SLC5A10: variants seen among roughly 807,000 people sequenced by gnomAD.
The protein encoded by SLC5A10 is sodium/mannose cotransporter SLC5A10.
In SLC5A10, 55 loss-of-function variants were observed where a neutral mutation model predicts 68.9. That is an observed-to-expected ratio of 0.80 (90% confidence interval 0.64 to 1.00). SLC5A10 has a LOEUF of 1.00. Among genes scored for constraint, SLC5A10 ranks in the 50% least tolerant of loss-of-function variants. The pLI, the probability that SLC5A10 is intolerant of heterozygous loss-of-function variation, is 0.00. For missense variants in SLC5A10, 732 were observed against 819.3 expected, an observed-to-expected ratio of 0.89 and a Z score of 1.30; for synonymous variants, 344 against 344.8, an observed-to-expected ratio of 1.00 and a Z score of 0.02.
At chr17:19,007,995 G>C (rs2043933314) in intron 9 of SLC5A10, among the ~76,000 whole-genome samples, 1 of 152,220 alleles carries the variant, frequency 6.6e-6, no homozygotes, top group African/African-American at 2.4e-5. Context: ...AAGCAGAAAT[G>C]TTACTTAGTG....
At chr17:19,014,942 GAGC>G in intron 10 of SLC5A10, 104 bp from the exon 11 acceptor site, 1 of 1,351,550 alleles carries the variant, frequency 7.4e-7, no homozygotes, top group Non-Finnish European at 1.0e-6. Context: ...TGCCTTGGAG[GAGC>G]ATGCAAATGG....
At chr17:19,011,989 T>G (rs976025309) in intron 9 of SLC5A10, among the ~76,000 whole-genome samples, 1 of 152,070 alleles carries the variant, frequency 6.6e-6, no homozygotes, top group Non-Finnish European at 1.5e-5. Flanking sequence ...CCCCTGCTGC[T>G]GCTGTGTTGC....
chr17:18,957,700 G>A (rs1250210512), intron 1 of SLC5A10, among the ~76,000 whole-genome samples: 1 of 152,120 alleles, frequency 6.6e-6, no homozygotes, highest in African/African-American at 2.4e-5. Flanking sequence ...TCTTGACCTC[G>A]TGATCCACCC....
intron 9 of SLC5A10, among the ~76,000 whole-genome samples, chr17:18,988,591 C>T (rs918071025): frequency 6.6e-5 from 10 of 152,232 alleles, no homozygotes; most frequent in African/African-American, 2.4e-4. Flanking sequence ...CCTCTCTTGC[C>T]CTGAAGTTCT....
In SLC5A10 at chr17:19,017,385, T is replaced by G; in HGVS notation, c.1242-2038T>G. ...CGGTATCTCCTAGGCCTCGTGGTCA[T>G]GGATCTCTGGTAGGGTGAATGGCCT... On this transcript the variant is annotated intron_variant, in intron 11 of 14. Transcript: ENST00000395645. This position sits in a 1 kb window ranked among gnomAD's most constrained non-coding sequence, Gnocchi z 5.6. 6.4e-7 allele frequency: 1 copy of G among 1,551,710 alleles called. No individual in the cohort carries two copies. The highest frequency in any genetic ancestry group is 8.7e-7 in the Non-Finnish European group (1 of 1,146,924).
rs926064942 is a variant in SLC5A10, at chr17:19,018,715, G to C, written c.1242-708G>C. On this transcript the variant is annotated intron_variant, in intron 11 of 14. Coordinates refer to ENST00000395645, the MANE Select transcript of SLC5A10 (RefSeq NM_001042450.4). The surrounding 1 kb of genome is among the most constrained non-coding windows in gnomAD (Gnocchi z 4.2). ...GGCCCAGCAGGGCTCCGGCTTCACA[G>C]CTGGGGAGTATGGGCTCTAACCCCA... 6.6e-6 allele frequency: 1 copy of C among 152,382 alleles called. No homozygotes were observed. The highest frequency in any genetic ancestry group is 6.5e-5 in the Admixed American group (1 of 15,284). 9.4% of individuals were successfully genotyped at this position (152,382 alleles called of 1,614,324 possible).
Position 18,971,059 on chromosome 17 carries a change from C to T in SLC5A10, c.687C>T (p.Ala229=), listed in dbSNP as rs974848192. 1.9e-6 allele frequency: 3 copies of T among 1,613,954 alleles called. No homozygotes were observed. Among genetic ancestry groups the T allele is most frequent in the Non-Finnish European group, 2.5e-6 (3 of 1,180,044 alleles). Residue 229 remains alanine (A), a synonymous_variant, in exon 8 of 15, where the codon GCC becomes GCT. Transcript: ENST00000395645. The surrounding 1 kb of genome is among the most constrained non-coding windows in gnomAD (Gnocchi z 5.5). ...GGYGQLEAAY[A]QAIPSRTIAN... is the part of the protein sequence containing the mutation. ...ACGGGCAGCTGGAGGCAGCCTACGCCCAGGCCATTCCCTCCAGGACCATTG... is the reference window on the plus strand; with the variant it reads ...ACGGGCAGCTGGAGGCAGCCTACGCTCAGGCCATTCCCTCCAGGACCATTG...
chr17:18,971,592 T>G lies in SLC5A10; in HGVS notation c.846+374T>G, dbSNP rs767840164. 6.2e-7 allele frequency: 1 copy of G among 1,613,412 alleles called. No homozygotes were observed. The highest frequency in any genetic ancestry group is 1.3e-5 in the African/African-American group (1 of 74,928). On this transcript the variant is annotated intron_variant, in intron 8 of 14. Transcript: ENST00000395645. This position sits in a 1 kb window ranked among gnomAD's most constrained non-coding sequence, Gnocchi z 5.5. ...AGCAGGCGGGGTACCTGACCTCCCT[T>G]GGCCTGCCAGTGGTGGGGGCCAGCC...
chr17:18,977,042 G>T, intron 9 of SLC5A10, 53 bp downstream of exon 9: 3 of 1,600,562 alleles, frequency 1.9e-6, no homozygotes, highest in Non-Finnish European at 2.5e-6. Context: ...CAGGGTTCTG[G>T]GACCTTGTCC....
chr17:18,958,776 C>T, intron 2 of SLC5A10, 23 bp downstream of exon 2: 1 of 1,613,356 alleles, frequency 6.2e-7, no homozygotes, highest in Non-Finnish European at 8.5e-7. Flanking sequence ...TGACTTCTCA[C>T]ACACCCCCAC....
At chr17:19,014,937 T>G (rs1597912914) in intron 10 of SLC5A10, 112 bp from the exon 11 acceptor site, 4 of 1,307,180 alleles carry the variant, frequency 3.1e-6, no homozygotes, top group South Asian at 1.4e-5. Context: ...CCCTCTGCCT[T>G]GGAGGAGCAT....
intron 9 of SLC5A10, among the ~76,000 whole-genome samples, chr17:18,989,972 G>A (rs1006767761): frequency 6.6e-6 from 1 of 152,228 alleles, no homozygotes; most frequent in African/African-American, 2.4e-5. Flanking sequence ...CAGCGGAGGT[G>A]TGGGACCAGC....
At chr17:19,009,055 C>T (rs1052125725) in intron 9 of SLC5A10, among the ~76,000 whole-genome samples, 2 of 145,894 alleles carry the variant, frequency 1.4e-5, no homozygotes, top group African/African-American at 5.1e-5. Context: ...TCAAGTGATT[C>T]ATCCACCTCA....
intron 9 of SLC5A10, chr17:18,978,221 G>T: frequency 6.3e-7 from 1 of 1,579,700 alleles, no homozygotes; most frequent in Non-Finnish European, 8.6e-7. Flanking sequence ...GTCCTGGGGG[G>T]CACTGGGCTC....
At chr17:18,972,932 T>C (rs1159982900) in intron 8 of SLC5A10, among the ~76,000 whole-genome samples, 1 of 150,618 alleles carries the variant, frequency 6.6e-6, no homozygotes, top group Non-Finnish European at 1.5e-5. Flanking sequence ...AGGCTGGGCC[T>C]CAGTTTCCCC....
At chr17:18,959,311 C>A in intron 3 of SLC5A10, 72 bp downstream of exon 3, 3 of 1,485,906 alleles carry the variant, frequency 2.0e-6, no homozygotes, top group Non-Finnish European at 2.8e-6. Flanking sequence ...TGGAGGGGGA[C>A]AGCTCCCAGT....
rs145502721 is a variant in SLC5A10 at position 19,000,821 on chromosome 17, G to A, written c.983-12589G>A. On this transcript the variant is annotated intron_variant, in intron 9 of 14. Transcript: ENST00000395645. The surrounding 1 kb of genome is among the most constrained non-coding windows in gnomAD (Gnocchi z 5.2). ...TGATTCATGGGGAGAGATAAGGCAG[G>A]GAGCGCTCCCAGGAAGCAGGCAGAC... Among the ~76,000 whole-genome samples, 321 of 152,280 alleles carry A rather than the reference G, an allele frequency of 2.1e-3. 1 individual carries two copies. The highest frequency in any genetic ancestry group is 7.3e-3 in the African/African-American group (303 of 41,542).
intron 1 of SLC5A10, among the ~76,000 whole-genome samples, chr17:18,952,703 CTGG>C (rs2042394630): frequency 6.6e-6 from 1 of 152,020 alleles, no homozygotes; most frequent in Non-Finnish European, 1.5e-5. Flanking sequence ...CCCAGAGCTG[CTGG>C]ATCAGAATCC....
chr17:18,956,550 C>T (rs2042508200), intron 1 of SLC5A10, among the ~76,000 whole-genome samples: 1 of 145,634 alleles, frequency 6.9e-6, no homozygotes, highest in Non-Finnish European at 1.5e-5. Context: ...CATCTTGGCT[C>T]ACTGCAGCCT....
Sources: allele counts gnomAD v4.1 joint callset (sites outside exome capture counted in the v4.1 genomes callset), GRCh38; gene constraint gnomAD v4.1.1; non-coding constraint Gnocchi (gnomAD v3.1); transcripts MANE v1.5; gene names NCBI Gene and HGNC (gene_info 2026-07-23, HGNC 2026-07-21).